Variants in HDAC9 observed in about 807,000 individuals in gnomAD.
HDAC9 encodes the protein histone deacetylase 9.
In HDAC9, 41 loss-of-function variants were observed where a neutral mutation model predicts 139.4. That is an observed-to-expected ratio of 0.29 (90% CI 0.23 to 0.38). The LOEUF (loss-of-function observed/expected upper bound fraction) is 0.38, where lower values mean the gene tolerates loss of function less well. HDAC9 is among the 10% of genes least tolerant of loss of function. The pLI is 1.00. For synonymous variants in HDAC9, 517 were observed against 476.2 expected (o/e 1.09, Z -1.12); for missense variants, 1,147 against 1,297.0 (o/e 0.88, Z 1.78).
At chr7:18,317,190 C>G (rs2128631540) in intron 1 of HDAC9, among the ~76,000 whole-genome samples, 1 of 150,932 alleles carries the variant, frequency 6.6e-6, no homozygotes, top group South Asian at 2.1e-4. Context: ...GAGTGAGACT[C>G]TGTCTCAAAA....
intron 23 of HDAC9, 129 bp downstream of exon 23, chr7:18,936,071 T>G (rs1781609029): frequency 9.1e-6 from 8 of 878,320 alleles, no homozygotes; most frequent in Non-Finnish European, 1.4e-5. Context: ...AGAAAGAAGG[T>G]AAGCCTTAGA....
chr7:18,422,736 A>ACG (rs1789740618), intron 1 of HDAC9, among the ~76,000 whole-genome samples: 1 of 17,456 alleles, frequency 5.7e-5, no homozygotes, highest in African/African-American at 8.4e-5. Context: ...TTTAAGACAC[A>ACG]CACACGCGCA....
intron 2 of HDAC9, among the ~76,000 whole-genome samples, chr7:18,578,928 T>A (rs1201519754): frequency 6.6e-6 from 1 of 152,242 alleles, no homozygotes; most frequent in East Asian, 1.9e-4. Context: ...TTAAACCAGA[T>A]AACTTCCTAA....
chr7:18,166,576 A>G (rs1251594956), intron 2 of HDAC9, among the ~76,000 whole-genome samples: 4 of 152,228 alleles, frequency 2.6e-5, no homozygotes, highest in African/African-American at 9.6e-5. Context: ...GCTAAGTAGT[A>G]TAAACAATTT....
At chr7:18,915,966 C>G (rs1234876626) in intron 22 of HDAC9, among the ~76,000 whole-genome samples, 2 of 148,048 alleles carry the variant, frequency 1.4e-5, no homozygotes, top group African/African-American at 4.9e-5. Flanking sequence ...GGCTTCGCAT[C>G]AGCCTTTGTG....
At chr7:18,089,559 A>T (rs1430808679) in intron 1 of HDAC9, among the ~76,000 whole-genome samples, 6 of 152,108 alleles carry the variant, frequency 3.9e-5, no homozygotes, top group African/African-American at 9.6e-5. Context: ...AGCTGACCAG[A>T]TATAAACCTA....
At chr7:18,767,593 C>T (rs1585002116) in intron 16 of HDAC9, among the ~76,000 whole-genome samples, 1 of 152,288 alleles carries the variant, frequency 6.6e-6, no homozygotes, top group East Asian at 1.9e-4. Context: ...TCACAAAGTG[C>T]TTTGCATTAT....
intron 24 of HDAC9, 65 bp from the exon 25 acceptor site, chr7:18,975,741 T>G (rs1784508892): frequency 6.8e-7 from 1 of 1,467,372 alleles, no homozygotes; most frequent in African/African-American, 1.4e-5. Flanking sequence ...TGGACGTATG[T>G]GAGTATTCTG....
chr7:18,151,215 T>C (rs1786755314), intron 1 of HDAC9, among the ~76,000 whole-genome samples: 1 of 152,232 alleles, frequency 6.6e-6, no homozygotes, highest in African/African-American at 2.4e-5. Flanking sequence ...CAAAGGTGGC[T>C]TTCTCACTCA....
intron 1 of HDAC9, among the ~76,000 whole-genome samples, chr7:18,483,990 A>G (rs1355248513): frequency 2.0e-5 from 3 of 152,076 alleles, no homozygotes; most frequent in East Asian, 1.9e-4. Flanking sequence ...ACAATAATTC[A>G]TGATTCATTT....
At chr7:18,896,642 G>A (rs1225620411) in intron 22 of HDAC9, among the ~76,000 whole-genome samples, 1 of 152,012 alleles carries the variant, frequency 6.6e-6, no homozygotes, top group Admixed American at 6.6e-5. Context: ...ATAACACAAA[G>A]CTTAATAAAA....
intron 2 of HDAC9, among the ~76,000 whole-genome samples, chr7:18,220,860 C>T (rs956107935): frequency 1.2e-4 from 19 of 152,274 alleles, no homozygotes; most frequent in African/African-American, 4.6e-4. Context: ...ATTCCAAACA[C>T]TGGAACCATA....
At chr7:18,456,298 G>A (rs940492115) in intron 1 of HDAC9, among the ~76,000 whole-genome samples, 3 of 152,050 alleles carry the variant, frequency 2.0e-5, no homozygotes, top group Admixed American at 6.5e-5. Flanking sequence ...GTGCAGCAGT[G>A]TGATCTCCAC....
intron 2 of HDAC9, among the ~76,000 whole-genome samples, chr7:18,197,772 T>C (rs1416469575): frequency 6.6e-6 from 1 of 152,198 alleles, no homozygotes; most frequent in Non-Finnish European, 1.5e-5. Context: ...TTAAGTGTTG[T>C]ACTTCAGATA....
chr7:18,470,934 A>G (rs1365583454), intron 1 of HDAC9, among the ~76,000 whole-genome samples: 4 of 152,050 alleles, frequency 2.6e-5, no homozygotes, highest in Non-Finnish European at 4.4e-5. Flanking sequence ...TTTATATACT[A>G]GGATATCTGA....
chr7:18,913,932 A>G lies in HDAC9; in HGVS notation c.2804-21877A>G, dbSNP rs529063619. ...AAAACAAAAACAAAAAAACAAAACC[A>G]AGGAAAATATCCACACTACTATGGT... On this transcript the variant is annotated intron_variant, in intron 22 of 25. Transcript: ENST00000686413. Among the ~76,000 whole-genome samples the G allele has an allele frequency of 1.2e-4, 19 of 152,144 alleles. No homozygotes were observed. In the East Asian group the frequency reaches 2.7e-3, roughly 22 times the overall value.
At chr7:18,950,745 G>A (rs1222579244) in intron 23 of HDAC9, among the ~76,000 whole-genome samples, 1 of 151,968 alleles carries the variant, frequency 6.6e-6, no homozygotes, top group Non-Finnish European at 1.5e-5. Context: ...AATATTTGCG[G>A]TGGTCCTTGA....
intron 1 of HDAC9, among the ~76,000 whole-genome samples, chr7:18,148,848 AGCAACCTAAATTCTACCT>A (rs1786541487): frequency 2.0e-5 from 3 of 152,172 alleles, no homozygotes; most frequent in Non-Finnish European, 2.9e-5. Flanking sequence ...TCATTTTATT[AGCAACCTAAATTCTACCT>A]GCAACCTTAA....
At chr7:18,444,873 C>T (rs1201228095) in intron 1 of HDAC9, among the ~76,000 whole-genome samples, 1 of 152,128 alleles carries the variant, frequency 6.6e-6, no homozygotes, top group Non-Finnish European at 1.5e-5. Context: ...TATTTATAAT[C>T]TTTGTATTTA....
Sources: gnomAD v4.1 joint callset for allele counts (sites outside exome capture counted in the v4.1 genomes callset) on GRCh38, gnomAD v4.1.1 for gene constraint, MANE v1.5 for transcripts, NCBI Gene and HGNC (gene_info 2026-07-23, HGNC 2026-07-21) for gene names.